The following CLEC12A variants were observed in gnomAD, a reference collection of about 807,000 sequenced individuals.
CLEC12A encodes the protein C-type lectin protein CLL-1.
Under a neutral mutation model 26.5 loss-of-function variants are expected in CLEC12A, and 22 were observed. That is an observed-to-expected ratio of 0.83 (90% CI 0.59 to 1.19). The LOEUF (loss-of-function observed/expected upper bound fraction) is 1.19, where lower values mean the gene tolerates loss of function less well. CLEC12A is among the 50% of genes most tolerant of loss of function. CLEC12A has a pLI of 0.00. For missense variants in CLEC12A, 353 were observed against 315.6 expected, an observed-to-expected ratio of 1.12 and a Z score of -0.90; for synonymous variants, 119 against 101.9, an observed-to-expected ratio of 1.17 and a Z score of -1.01.
chr12:9,956,325 T>C (rs189964770), intron 1 of CLEC12A, among the ~76,000 whole-genome samples: 1 of 152,218 alleles, frequency 6.6e-6, no homozygotes, highest in East Asian at 1.9e-4. Context: ...TAAGAACACA[T>C]CTTCTTTGGC....
chr12:9,981,636 T>C (rs569921473), intron 4 of CLEC12A, among the ~76,000 whole-genome samples: 4 of 152,304 alleles, frequency 2.6e-5, no homozygotes, highest in Admixed American at 2.6e-4. Context: ...TCTGAGTGTG[T>C]GGCATTTTTT....
chr12:9,987,804 TTTTA>T (rs1864804974), downstream of CLEC12A, among the ~76,000 whole-genome samples: 3 of 152,066 alleles, frequency 2.0e-5, no homozygotes, highest in Non-Finnish European at 2.9e-5. Flanking sequence ...TCTTTCTTTC[TTTTA>T]TTTATTTATT....
At chr12:10,003,820 G>GT in the CLEC12A span, among the ~76,000 whole-genome samples, 1 of 152,170 alleles carries the variant, frequency 6.6e-6, no homozygotes, top group Non-Finnish European at 1.5e-5. Context: ...GGAGGCTGAG[G>GT]TGGAAGGTTC....
intron 4 of CLEC12A, chr12:9,992,961 C>A: frequency 3.8e-6 from 2 of 530,402 alleles, no homozygotes; most frequent in Non-Finnish European, 6.6e-6. Context: ...GATAAACTCA[C>A]GTGATGGCTT....
chr12:9,989,322 C>G (rs1864842084), downstream of CLEC12A, among the ~76,000 whole-genome samples: 2 of 151,642 alleles, frequency 1.3e-5, no homozygotes, highest in Non-Finnish European at 1.5e-5. Context: ...ATGTAACTAA[C>G]CTGCACGTTG....
chr12:9,956,209 C>T (rs977166899), intron 1 of CLEC12A, among the ~76,000 whole-genome samples: 2 of 152,146 alleles, frequency 1.3e-5, no homozygotes, highest in South Asian at 4.1e-4. Flanking sequence ...TCTCTCTCCC[C>T]TAGTTACTGG....
At chr12:9,960,089 G>A (rs1863805644) in intron 1 of CLEC12A, among the ~76,000 whole-genome samples, 1 of 152,082 alleles carries the variant, frequency 6.6e-6, no homozygotes, top group Admixed American at 6.6e-5. Context: ...TCTTTTTAAG[G>A]TGCTGCTGAC....
chr12:9,961,294 C>T (rs1488264791), intron 1 of CLEC12A, among the ~76,000 whole-genome samples: 1 of 152,152 alleles, frequency 6.6e-6, no homozygotes, highest in Non-Finnish European at 1.5e-5. Context: ...TGGCCTGAAC[C>T]CATCTCTCAG....
At chr12:9,979,942 C>T (rs1864486435) in intron 3 of CLEC12A, among the ~76,000 whole-genome samples, 2 of 152,072 alleles carry the variant, frequency 1.3e-5, no homozygotes, top group African/African-American at 2.4e-5. Context: ...CCTTTGGGAT[C>T]GGGGAGTTGG....
rs1454703048 is a variant in CLEC12A, at chr12:9,980,583, G to A, written c.381G>A (p.Glu127=). 1 of 1,611,788 alleles carries A rather than the reference G, an allele frequency of 6.2e-7. No homozygotes were observed. The highest frequency in any genetic ancestry group is 8.5e-7 in the Non-Finnish European group (1 of 1,179,070). ...LCRELYSKEQ[E]HKCKPCPRRW... is the part of the protein sequence containing the mutation. ...AATAAAACTATGTTCTTCTTCCAGAGCACAAATGTAAGCCTTGTCCAAGGA... is the reference window on the plus strand; with the variant it reads ...AATAAAACTATGTTCTTCTTCCAGAACACAAATGTAAGCCTTGTCCAAGGA... Residue 127 remains glutamate (E), a splice_region_variant and synonymous_variant, in exon 4 of 6, where the codon GAG becomes GAA. Coordinates refer to ENST00000304361, the MANE Select transcript of CLEC12A (RefSeq NM_138337.6).
exon 5 of CLEC12A, chr12:9,995,214 A>G: frequency 1.2e-6 from 2 of 1,613,124 alleles, no homozygotes; most frequent in Non-Finnish European, 1.7e-6. Context: ...ATCCGACCCA[A>G]CGAATTAAAT....
chr12:9,955,438 A>G (rs1863729065), intron 1 of CLEC12A, among the ~76,000 whole-genome samples: 1 of 152,208 alleles, frequency 6.6e-6, no homozygotes, highest in South Asian at 2.1e-4. Flanking sequence ...AGTTATAAAA[A>G]TGGTTAACAA....
At chr12:9,983,717 A>C (rs1165037975) in intron 5 of CLEC12A, 1 of 480,792 alleles carries the variant, frequency 2.1e-6, no homozygotes, top group Non-Finnish European at 3.7e-6. Flanking sequence ...CCATAATGGC[A>C]AATAGAATTT....
downstream of CLEC12A, chr12:9,996,945 G>T: frequency 6.2e-7 from 1 of 1,614,090 alleles, no homozygotes; most frequent in Non-Finnish European, 8.5e-7. Context: ...AGAACCCATA[G>T]CAGCTATCTC....
chr12:9,996,888 G>A (rs764809435), downstream of CLEC12A: 1 of 1,613,998 alleles, frequency 6.2e-7, no homozygotes, highest in Non-Finnish European at 8.5e-7. Flanking sequence ...TAGCATTCAT[G>A]TCAGTGCAGT....
chr12:9,957,270 C>T (rs1414988370), intron 1 of CLEC12A, among the ~76,000 whole-genome samples: 1 of 151,994 alleles, frequency 6.6e-6, no homozygotes, highest in Non-Finnish European at 1.5e-5. Context: ...GGCAGATCAC[C>T]TGAGGTCAGG....
chr12:9,979,644 G>C (rs1053700296), intron 3 of CLEC12A, 120 bp downstream of exon 3: 5 of 713,082 alleles, frequency 7.0e-6, no homozygotes, highest in African/African-American at 3.6e-5. Flanking sequence ...TTGGGGGAAA[G>C]AATTACATGT....
chr12:9,963,684 G>A (rs935690943), intron 1 of CLEC12A, among the ~76,000 whole-genome samples: 1 of 152,184 alleles, frequency 6.6e-6, no homozygotes, highest in Admixed American at 6.5e-5. Flanking sequence ...GCATGTACCT[G>A]TCCAATTAGC....
At chr12:9,954,206 A>T (rs567948290) in intron 1 of CLEC12A, among the ~76,000 whole-genome samples, 1,178 of 38,628 alleles carry the variant, frequency 0.03, 6 homozygotes, top group Non-Finnish European at 0.042. Flanking sequence ...AATTATCAAT[A>T]AAAAAAAAAA....
Sources: gnomAD v4.1 joint callset for allele counts (sites outside exome capture counted in the v4.1 genomes callset) on GRCh38, gnomAD v4.1.1 for gene constraint, MANE v1.5 for transcripts, NCBI Gene and HGNC (gene_info 2026-07-23, HGNC 2026-07-21) for gene names.